Variants in ALK observed in about 807,000 individuals in gnomAD.
ALK encodes the protein ALK tyrosine kinase receptor.
In ALK, 74 loss-of-function variants were observed where a neutral mutation model predicts 163.1. The ratio of observed to expected loss-of-function variants is 0.45; its 90% CI spans 0.38 to 0.55. The LOEUF (loss-of-function observed/expected upper bound fraction) is 0.55. ALK is among the 20% of genes least tolerant of loss of function. ALK has a pLI of 0.00. For missense variants in ALK, 2,063 were observed against 2,105.3 expected (o/e 0.98, Z 0.39); for synonymous variants, 960 against 843.2 (o/e 1.14, Z -2.40).
intron 4 of ALK, among the ~76,000 whole-genome samples, chr2:29,474,137 T>C (rs1048212032): frequency 6.6e-6 from 1 of 152,252 alleles, no homozygotes; most frequent in African/African-American, 2.4e-5. Flanking sequence ...ACTGGATATA[T>C]TGTGGTATGT....
chr2:29,642,507 C>A (rs1676733851), intron 3 of ALK, among the ~76,000 whole-genome samples: 1 of 152,176 alleles, frequency 6.6e-6, no homozygotes, highest in African/African-American at 2.4e-5. Flanking sequence ...ACTAAAATCT[C>A]CTGCATATTT....
At chr2:29,196,639 A>G (rs1266243201) in intron 28 of ALK, 131 bp downstream of exon 28, 2 of 772,712 alleles carry the variant, frequency 2.6e-6, no homozygotes, top group Non-Finnish European at 4.5e-6. Flanking sequence ...TTTAGAGAAA[A>G]TTAATTTTCA....
intron 1 of ALK, among the ~76,000 whole-genome samples, chr2:29,741,228 G>A (rs1680050280): frequency 6.6e-6 from 1 of 152,138 alleles, no homozygotes; most frequent in South Asian, 2.1e-4. Flanking sequence ...GGACCACAGA[G>A]GATTTGGGGG....
At chr2:29,799,292 T>C (rs575286162) in intron 1 of ALK, among the ~76,000 whole-genome samples, 1 of 152,288 alleles carries the variant, frequency 6.6e-6, no homozygotes, top group South Asian at 2.1e-4. Flanking sequence ...GGCACCAACT[T>C]GGATGCTGAA....
chr2:29,770,464 A>C (rs1680990049), intron 1 of ALK, among the ~76,000 whole-genome samples: 1 of 152,252 alleles, frequency 6.6e-6, no homozygotes, highest in Non-Finnish European at 1.5e-5. Flanking sequence ...TACTAAGAGC[A>C]GAAACTAGTG....
chr2:29,873,135 C>A (rs1666619515), intron 1 of ALK, among the ~76,000 whole-genome samples: 2 of 152,322 alleles, frequency 1.3e-5, no homozygotes, highest in South Asian at 4.1e-4. Context: ...TGGCTCCAAC[C>A]ACTGACAGAT....
chr2:29,496,575 C>T (rs1264930083), intron 4 of ALK, among the ~76,000 whole-genome samples: 1 of 152,032 alleles, frequency 6.6e-6, no homozygotes, highest in African/African-American at 2.4e-5. Flanking sequence ...AAAAAAAATG[C>T]CTTGAGGAAG....
At chr2:29,273,708 G>A (rs1665455439) in intron 11 of ALK, among the ~76,000 whole-genome samples, 1 of 152,166 alleles carries the variant, frequency 6.6e-6, no homozygotes, top group African/African-American at 2.4e-5. Context: ...GCTGGGCAGG[G>A]GGCTATGGCT....
At position 29,802,551 on chromosome 2, in the gene ALK, GGGGAGGA is replaced by G. The variant is rs1558494931; in HGVS notation, c.668-84861_668-84855del. Among the ~76,000 whole-genome samples, 296 of 35,082 alleles carry G rather than the reference GGGGAGGA, an allele frequency of 8.4e-3. 42 individuals carry two copies. Among genetic ancestry groups the G allele is most frequent in the East Asian group, 0.015 (13 of 844 alleles). The allele number at this position is 35,082 out of a possible 152,430, so 23.0% of individuals were successfully genotyped here. ...GAGGAGGGGAGAGGAGGGGAGGGGAGGGGAGGAGAGGGGAGGGGAGGGGAGGGGAGGG... is the reference window on the plus strand; with the variant it reads ...GAGGAGGGGAGAGGAGGGGAGGGGAGGAGGGGAGGGGAGGGGAGGGGAGGG... On this transcript the variant is annotated intron_variant, in intron 1 of 28. Transcript: ENST00000389048.
chr2:29,520,051 T>A lies in ALK; in HGVS notation c.1154+11864A>T, dbSNP rs143732014. On this transcript the variant is annotated intron_variant, in intron 4 of 28. Coordinates refer to ENST00000389048, the MANE Select transcript of ALK (RefSeq NM_004304.5). Reference sequence around the variant, plus strand: ...AAAATTACTAAGTAGAAGTCCTGACTGGAAGAACAGGAAATATGCAGGAAA... The same window carrying A: ...AAAATTACTAAGTAGAAGTCCTGACAGGAAGAACAGGAAATATGCAGGAAA... Among the ~76,000 whole-genome samples, 317 of 152,254 alleles carry A rather than the reference T, an allele frequency of 2.1e-3. 3 individuals carry two copies. Among genetic ancestry groups the A allele is most frequent in the African/African-American group, 7.2e-3 (299 of 41,530 alleles).
chr2:29,788,826 C>G (rs143156856), intron 1 of ALK, among the ~76,000 whole-genome samples: 19 of 152,260 alleles, frequency 1.2e-4, no homozygotes, highest in East Asian at 9.6e-4. Context: ...TAAGAAGTAA[C>G]CTTGTTTTCT....
At chr2:29,909,470 GACAGAC>G (rs1291512675) in intron 1 of ALK, among the ~76,000 whole-genome samples, 10 of 131,764 alleles carry the variant, frequency 7.6e-5, no homozygotes, top group South Asian at 2.6e-4. Flanking sequence ...CACAGAGAGA[GACAGAC>G]AGACAGAGAG....
intron 1 of ALK, among the ~76,000 whole-genome samples, chr2:29,848,018 AAATCCCCCCATAAGTGGCAGGGATTTCC>A (rs1446175387): frequency 6.6e-6 from 1 of 152,096 alleles, no homozygotes; most frequent in East Asian, 1.9e-4. Flanking sequence ...AGCTGGACTT[AAATCCCCCCATAAGTGGCAGGGATTTCC>A]AAGTATCCAA....
chr2:29,887,639 G>A (rs1180624838), intron 1 of ALK, among the ~76,000 whole-genome samples: 2 of 152,148 alleles, frequency 1.3e-5, no homozygotes, highest in African/African-American at 4.8e-5. Context: ...TGGTTGGGTA[G>A]GCCTGAGGGT....
At chr2:29,333,297 G>A (rs1667505676) in intron 5 of ALK, among the ~76,000 whole-genome samples, 1 of 152,136 alleles carries the variant, frequency 6.6e-6, no homozygotes, top group Admixed American at 6.5e-5. Flanking sequence ...TGTATTTTTA[G>A]TAGAGACGAG....
chr2:29,337,405 T>C (rs1201482008), intron 5 of ALK, among the ~76,000 whole-genome samples: 2 of 152,160 alleles, frequency 1.3e-5, no homozygotes, highest in African/African-American at 2.4e-5. Context: ...CATGAACAAG[T>C]CTCTTTCTCT....
intron 3 of ALK, among the ~76,000 whole-genome samples, chr2:29,610,039 T>C (rs1449094120): frequency 6.6e-6 from 1 of 152,234 alleles, no homozygotes; most frequent in African/African-American, 2.4e-5. Context: ...ACACCTATTT[T>C]GAGTAAATCT....
chr2:29,685,860 C>T (rs952455), intron 3 of ALK, among the ~76,000 whole-genome samples: 125,008 of 152,194 alleles, frequency 0.82, 51,439 homozygotes, highest in Non-Finnish European at 0.84. Context: ...CCTCTTCTTT[C>T]CCAGCCCTTA....
chr2:29,306,619 T>G (rs1666515033), intron 8 of ALK, among the ~76,000 whole-genome samples: 1 of 152,200 alleles, frequency 6.6e-6, no homozygotes, highest in Non-Finnish European at 1.5e-5. Flanking sequence ...TTAATGCATT[T>G]ACAACCATTG....
Sources: allele counts gnomAD v4.1 joint callset (sites outside exome capture counted in the v4.1 genomes callset), GRCh38; gene constraint gnomAD v4.1.1; transcripts MANE v1.5; gene names NCBI Gene and HGNC (gene_info 2026-07-23, HGNC 2026-07-21).